SLCO3A1: variants seen among roughly 807,000 people sequenced by gnomAD.
SLCO3A1 encodes PGE1 transporter.
Under a neutral mutation model 63.1 loss-of-function variants are expected in SLCO3A1, and 27 were observed. That is an observed-to-expected ratio of 0.43 (90% CI 0.32 to 0.59). The LOEUF (loss-of-function observed/expected upper bound fraction) is 0.59. SLCO3A1 is among the 20% of genes least tolerant of loss of function. The pLI is 0.09. For missense variants in SLCO3A1, 773 were observed against 945.8 expected (o/e 0.82, Z 2.40); for synonymous variants, 473 against 409.9 (o/e 1.15, Z -1.86).
chr15:92,066,592 G>A (rs1186845353), intron 2 of SLCO3A1, among the ~76,000 whole-genome samples: 2 of 152,184 alleles, frequency 1.3e-5, no homozygotes, highest in African/African-American at 2.4e-5. Flanking sequence ...TACTCTGTTT[G>A]TGTGGATCTG....
chr15:92,049,202 T>G (rs1370359276), intron 2 of SLCO3A1, among the ~76,000 whole-genome samples: 1 of 152,210 alleles, frequency 6.6e-6, no homozygotes, highest in Non-Finnish European at 1.5e-5. Flanking sequence ...TTCTGCACAG[T>G]GGCTTCTCCT....
chr15:91,889,074 C>G, intron 1 of SLCO3A1: 1 of 888,148 alleles, frequency 1.1e-6, no homozygotes, highest in South Asian at 2.1e-5. Flanking sequence ...TAACATATAG[C>G]TAACATTTGT....
chr15:92,036,958 C>T (rs2151484317), intron 2 of SLCO3A1, among the ~76,000 whole-genome samples: 1 of 152,220 alleles, frequency 6.6e-6, no homozygotes, highest in South Asian at 2.1e-4. Flanking sequence ...GGACCAGCTC[C>T]AGAAGTTCAT....
Position 91,856,284 on chromosome 15 carries a change from G to A in SLCO3A1, c.180+2196G>A, listed in dbSNP as rs116228252. On this transcript the variant is annotated intron_variant, in intron 1 of 9. Coordinates refer to ENST00000318445, the MANE Select transcript of SLCO3A1 (RefSeq NM_013272.4). The surrounding 1 kb of genome is among the most constrained non-coding windows in gnomAD (Gnocchi z 4.9). Reference sequence around the variant, plus strand: ...GCAGCTGGAGGCCCAGGAGAGGACAGGCCTAGGAAATTGAATTCATTTTGA... The same window carrying A: ...GCAGCTGGAGGCCCAGGAGAGGACAAGCCTAGGAAATTGAATTCATTTTGA... 9.1e-3 allele frequency among the ~76,000 whole-genome samples: 1,386 copies of A among 152,234 alleles called. 19 individuals carry two copies. The highest frequency in any genetic ancestry group is 0.029 in the African/African-American group (1,190 of 41,534).
intron 2 of SLCO3A1, among the ~76,000 whole-genome samples, chr15:92,069,181 G>A (rs888886732): frequency 2.0e-5 from 3 of 149,196 alleles, no homozygotes; most frequent in African/African-American, 7.5e-5. Flanking sequence ...GGGAGATAGA[G>A]GGTGCTACCA....
At chr15:92,125,317 A>G (rs2047907870) in intron 5 of SLCO3A1, among the ~76,000 whole-genome samples, 1 of 152,166 alleles carries the variant, frequency 6.6e-6, no homozygotes, top group Admixed American at 6.5e-5. Flanking sequence ...AGCAAAACCA[A>G]CGCAGGAGCT....
At chr15:92,049,266 A>G (rs1284589563) in intron 2 of SLCO3A1, among the ~76,000 whole-genome samples, 1 of 151,912 alleles carries the variant, frequency 6.6e-6, no homozygotes, top group South Asian at 2.1e-4. Context: ...CCAGCCCCCA[A>G]CCTTATTAAA....
At chr15:92,006,130 A>G (rs1405950807) in intron 2 of SLCO3A1, among the ~76,000 whole-genome samples, 1 of 152,116 alleles carries the variant, frequency 6.6e-6, no homozygotes, top group East Asian at 1.9e-4. Context: ...CTAGAAAGCA[A>G]CAATCAGAAA....
chr15:92,075,461 C>T (rs989043854), intron 2 of SLCO3A1, among the ~76,000 whole-genome samples: 6 of 152,184 alleles, frequency 3.9e-5, no homozygotes, highest in Non-Finnish European at 7.3e-5. Context: ...GTTAATGCCA[C>T]GGAGGTTGCA....
intron 2 of SLCO3A1, among the ~76,000 whole-genome samples, chr15:92,038,633 C>T (rs1240635232): frequency 1.3e-5 from 2 of 152,138 alleles, no homozygotes; most frequent in African/African-American, 2.4e-5. Flanking sequence ...ACATTCCATC[C>T]TCCTGGATAG....
At chr15:91,990,971 C>T (rs2046119195) in intron 2 of SLCO3A1, among the ~76,000 whole-genome samples, 1 of 152,178 alleles carries the variant, frequency 6.6e-6, no homozygotes, top group African/African-American at 2.4e-5. Context: ...GCAAAGCGGG[C>T]ACTTCCTACT....
rs943267266 is a variant in SLCO3A1 at position 91,882,108 on chromosome 15, A to C, written c.180+28020A>C. Among the ~76,000 whole-genome samples, 1 of 152,202 alleles carries C rather than the reference A, an allele frequency of 6.6e-6. No individual in the cohort carries two copies. Among genetic ancestry groups the C allele is most frequent in the Admixed American group, 6.5e-5 (1 of 15,284 alleles). On this transcript the variant is annotated intron_variant, in intron 1 of 9. Transcript: ENST00000318445. The surrounding 1 kb of genome is among the most constrained non-coding windows in gnomAD (Gnocchi z 4.4). ...CATCCCCTTAGTTGCCTAGAAGGGA[A>C]GCAGTGCATTCCAGGATCAGGCAGT...
At chr15:92,123,063 T>C (rs12443458) in intron 5 of SLCO3A1, among the ~76,000 whole-genome samples, 91,445 of 152,088 alleles carry the variant, frequency 0.6, 29,670 homozygotes, top group Non-Finnish European at 0.72. Context: ...TGTGTACAGA[T>C]GCAAAAGTTC....
intron 2 of SLCO3A1, among the ~76,000 whole-genome samples, chr15:91,919,235 A>C (rs953205100): frequency 6.6e-6 from 1 of 152,230 alleles, no homozygotes; most frequent in African/African-American, 2.4e-5. Flanking sequence ...GATATTTTCC[A>C]CTGAAATGAC....
At chr15:92,032,405 T>C (rs1381238889) in intron 2 of SLCO3A1, among the ~76,000 whole-genome samples, 1 of 152,114 alleles carries the variant, frequency 6.6e-6, no homozygotes, top group Non-Finnish European at 1.5e-5. Flanking sequence ...AGCGAATGGC[T>C]GCAGGGAAGT....
intron 2 of SLCO3A1, among the ~76,000 whole-genome samples, chr15:91,920,304 G>C (rs556465608): frequency 2.6e-5 from 4 of 152,188 alleles, no homozygotes; most frequent in Non-Finnish European, 5.9e-5. Context: ...AGGGAGTCAG[G>C]TGCAAGCCAG....
intron 2 of SLCO3A1, among the ~76,000 whole-genome samples, chr15:92,077,337 C>T (rs560164215): frequency 2.0e-5 from 3 of 152,216 alleles, no homozygotes; most frequent in African/African-American, 4.8e-5. Flanking sequence ...TTGGGCTTTT[C>T]GGAGATGGTC....
chr15:92,141,176 G>C (rs2048126971), intron 7 of SLCO3A1, among the ~76,000 whole-genome samples: 1 of 152,168 alleles, frequency 6.6e-6, no homozygotes, highest in Admixed American at 6.5e-5. Flanking sequence ...GCCAAGCAGA[G>C]AATTCACCTC....
At chr15:92,078,726 C>A (rs1292457233) in intron 2 of SLCO3A1, among the ~76,000 whole-genome samples, 1 of 152,186 alleles carries the variant, frequency 6.6e-6, no homozygotes, top group Non-Finnish European at 1.5e-5. Context: ...TACTTCATCT[C>A]TCTGTGTCTC....
Sources: allele counts gnomAD v4.1 joint callset (sites outside exome capture counted in the v4.1 genomes callset), GRCh38; gene constraint gnomAD v4.1.1; non-coding constraint Gnocchi (gnomAD v3.1); transcripts MANE v1.5; gene names NCBI Gene and HGNC (gene_info 2026-07-23, HGNC 2026-07-21).